VPS8: variants seen among roughly 807,000 people sequenced by gnomAD.
VPS8 encodes the protein vacuolar protein sorting-associated protein 8 homolog.
In VPS8, 129 loss-of-function variants were observed where a neutral mutation model predicts 216.4. That is an observed-to-expected ratio of 0.60 (90% CI 0.52 to 0.69). VPS8 has a LOEUF of 0.69. Ranked by LOEUF, VPS8 falls within the 30% of genes least tolerant of loss-of-function variation. VPS8 has a pLI of 0.00. For synonymous variants in VPS8, 571 were observed against 565.4 expected (o/e 1.01, Z -0.14); for missense variants, 1,531 against 1,683.5 (o/e 0.91, Z 1.59).
chr3:185,006,402 G>A (rs1754252417), intron 45 of VPS8, among the ~76,000 whole-genome samples: 1 of 152,088 alleles, frequency 6.6e-6, no homozygotes, highest in Non-Finnish European at 1.5e-5. Context: ...CCTCAAGTTT[G>A]TAAGACCATC....
chr3:185,042,494 A>C (rs1360038312), intron 46 of VPS8, among the ~76,000 whole-genome samples: 1 of 152,232 alleles, frequency 6.6e-6, no homozygotes, highest in Non-Finnish European at 1.5e-5. Flanking sequence ...GAAGGGGGTC[A>C]GTCTCACTGT....
Position 184,855,768 on chromosome 3 carries a change from G to A in VPS8, c.1093G>A (p.Val365Met), listed in dbSNP as rs781439290. 6.8e-6 allele frequency: 11 copies of A among 1,613,456 alleles called. No individual in the cohort carries two copies. Among genetic ancestry groups the A allele is most frequent in the Admixed American group, 6.7e-5 (4 of 59,954 alleles). Residue 365 changes from valine (V) to methionine (M), a missense_variant, in exon 14 of 48, where the codon GTG becomes ATG. Val to Met is a conservative substitution (Grantham distance 21). Coordinates refer to ENST00000625842, the MANE Select transcript of VPS8 (RefSeq NM_001009921.3). ...AWHFVAVQNY[V>M]NPMLAFCRGD... ...GCACTTTGTAGCAGTACAAAATTACGTGAATCCCATGCTTGCCTTCTGCAG... is the reference window on the plus strand; with the variant it reads ...GCACTTTGTAGCAGTACAAAATTACATGAATCCCATGCTTGCCTTCTGCAG...
intron 45 of VPS8, among the ~76,000 whole-genome samples, chr3:185,023,649 ACT>A (rs1173156913): frequency 6.6e-6 from 1 of 151,940 alleles, no homozygotes; most frequent in Non-Finnish European, 1.5e-5. Context: ...CAGAAGCGAA[ACT>A]CTGTCTCAAA....
intron 45 of VPS8, among the ~76,000 whole-genome samples, chr3:185,013,633 C>T (rs1755360940): frequency 6.6e-6 from 1 of 152,158 alleles, no homozygotes; most frequent in Admixed American, 6.5e-5. Flanking sequence ...AAATTTTGAT[C>T]TTATTAAGAG....
At chr3:184,879,932 T>C (rs1729992943) in intron 21 of VPS8, among the ~76,000 whole-genome samples, 1 of 152,212 alleles carries the variant, frequency 6.6e-6, no homozygotes, top group African/African-American at 2.4e-5. Flanking sequence ...CTTTAACTAA[T>C]ACTCTGTTTT....
At chr3:184,822,192 T>C (rs989682869) in intron 1 of VPS8, among the ~76,000 whole-genome samples, 1 of 152,184 alleles carries the variant, frequency 6.6e-6, no homozygotes, top group Non-Finnish European at 1.5e-5. Flanking sequence ...GATTATTTCC[T>C]GGTCATTTCT....
chr3:184,908,513 G>A (rs1029133719), intron 25 of VPS8, among the ~76,000 whole-genome samples: 3 of 152,322 alleles, frequency 2.0e-5, no homozygotes, highest in Non-Finnish European at 4.4e-5. Context: ...CCCCAGATGG[G>A]GTGTTAGTGT....
At chr3:184,981,673 T>TG (rs1750238468) in intron 40 of VPS8, among the ~76,000 whole-genome samples, 1 of 152,018 alleles carries the variant, frequency 6.6e-6, no homozygotes, top group African/African-American at 2.4e-5. Context: ...TGACCTCAGG[T>TG]GGTCTGCCCG....
intron 46 of VPS8, among the ~76,000 whole-genome samples, chr3:185,034,903 T>C (rs1467068277): frequency 6.6e-6 from 1 of 151,888 alleles, no homozygotes; most frequent in Non-Finnish European, 1.5e-5. Context: ...CAATCAGAAA[T>C]GACAAAGATG....
chr3:184,886,003 G>A, intron 21 of VPS8, 107 bp from the exon 22 acceptor site: 2 of 1,254,856 alleles, frequency 1.6e-6, no homozygotes, highest in East Asian at 2.6e-5. Flanking sequence ...ATGATATGAA[G>A]TTATATCCTC....
chr3:184,892,611 A>AT (rs1254129136), intron 22 of VPS8, among the ~76,000 whole-genome samples: 9 of 152,294 alleles, frequency 5.9e-5, no homozygotes, highest in Non-Finnish European at 1.2e-4. Flanking sequence ...TATAAAAAAA[A>AT]TTTTATTTTA....
At chr3:184,988,289 G>A (rs182342198) in intron 42 of VPS8, among the ~76,000 whole-genome samples, 1 of 152,182 alleles carries the variant, frequency 6.6e-6, no homozygotes, top group Non-Finnish European at 1.5e-5. Context: ...TAAAAGTTTT[G>A]TATTTTTGCA....
chr3:184,812,772 C>G (rs1387639505), intron 1 of VPS8: 1 of 152,382 alleles, frequency 6.6e-6, no homozygotes, highest in East Asian at 1.9e-4. Flanking sequence ...TGCCCCTCCC[C>G]ACTCCCGGGC....
chr3:184,982,815 G>A (rs1263155752), intron 41 of VPS8, among the ~76,000 whole-genome samples, 168 bp downstream of exon 41: 1 of 152,052 alleles, frequency 6.6e-6, no homozygotes, highest in Non-Finnish European at 1.5e-5. Context: ...TCTTTCTGAT[G>A]TTCCACTCAT....
chr3:184,999,220 G>A (rs1172799701), intron 44 of VPS8, among the ~76,000 whole-genome samples: 1 of 152,124 alleles, frequency 6.6e-6, no homozygotes, highest in Non-Finnish European at 1.5e-5. Flanking sequence ...ACCACGTCCA[G>A]CTAATTTTTT....
At chr3:185,006,476 TA>T (rs1160222723) in intron 45 of VPS8, among the ~76,000 whole-genome samples, 6 of 152,192 alleles carry the variant, frequency 3.9e-5, no homozygotes, top group Non-Finnish European at 7.3e-5. Flanking sequence ...TGAAACCTGG[TA>T]AAGCTGATTT....
chr3:184,864,905 T>G (rs1164708109), intron 16 of VPS8, among the ~76,000 whole-genome samples: 1 of 152,180 alleles, frequency 6.6e-6, no homozygotes, highest in East Asian at 1.9e-4. Context: ...AATGTTAGAA[T>G]TAGCAGACAA....
intron 7 of VPS8, among the ~76,000 whole-genome samples, chr3:184,842,932 T>G (rs1368604089): frequency 6.6e-6 from 1 of 152,114 alleles, no homozygotes; most frequent in East Asian, 1.9e-4. Flanking sequence ...TTCCTCTTTT[T>G]TTTTTTGGTT....
chr3:184,993,945 TACAGAATTGTA>T (rs1225365722), intron 42 of VPS8, 27 bp from the exon 43 acceptor site: 19 of 1,449,824 alleles, frequency 1.3e-5, no homozygotes, highest in Admixed American at 2.5e-5. Flanking sequence ...AATTTTAAAA[TACAGAATTGTA>T]ACAGAATTGT....
Sources: allele counts gnomAD v4.1 joint callset (sites outside exome capture counted in the v4.1 genomes callset), GRCh38; gene constraint gnomAD v4.1.1; transcripts MANE v1.5; gene names NCBI Gene and HGNC (gene_info 2026-07-23, HGNC 2026-07-21).